The following GLG1 variants were observed in gnomAD, a reference collection of about 807,000 sequenced individuals.
The protein encoded by GLG1 is golgi glycoprotein 1, also known as Golgi apparatus protein 1.
In GLG1, 38 loss-of-function variants were observed where a neutral mutation model predicts 160.5. That is an observed-to-expected ratio of 0.24 (90% CI 0.18 to 0.31). The LOEUF is 0.31. GLG1 is among the 10% of genes least tolerant of loss of function. The pLI is 1.00. For missense variants in GLG1, 1,373 were observed against 1,505.2 expected (o/e 0.91, Z 1.45); for synonymous variants, 644 against 543.4 (o/e 1.19, Z -2.57).
chr16:74,605,398 G>C (rs1339852447), intron 1 of GLG1, among the ~76,000 whole-genome samples: 1 of 152,126 alleles, frequency 6.6e-6, no homozygotes, highest in Non-Finnish European at 1.5e-5. Flanking sequence ...CCAGTATTAG[G>C]ATCCTAGTTT....
chr16:74,509,017 T>C (rs1274420572), intron 2 of GLG1, 92 bp from the exon 3 acceptor site: 2 of 649,826 alleles, frequency 3.1e-6, no homozygotes, highest in Non-Finnish European at 5.6e-6. Flanking sequence ...AAGCCAATTA[T>C]ACAGAGTCAG....
At chr16:74,561,823 T>TA (rs1220167408) in intron 1 of GLG1, among the ~76,000 whole-genome samples, 1 of 152,172 alleles carries the variant, frequency 6.6e-6, no homozygotes, top group African/African-American at 2.4e-5. Flanking sequence ...CTTCCATTAT[T>TA]AAAAGCTCTG....
At chr16:74,463,318 T>C (rs1490082244) in intron 20 of GLG1, 38 bp downstream of exon 20, 1 of 1,607,430 alleles carries the variant, frequency 6.2e-7, no homozygotes, top group East Asian at 2.2e-5. Context: ...CCTTTTCAGA[T>C]ACTCCACGGG....
chr16:74,509,398 A>T (rs1881368058), intron 2 of GLG1, among the ~76,000 whole-genome samples: 1 of 152,044 alleles, frequency 6.6e-6, no homozygotes, highest in Admixed American at 6.6e-5. Context: ...TATATGAGCT[A>T]AATTCTGCTT....
intron 22 of GLG1, among the ~76,000 whole-genome samples, chr16:74,460,933 C>T (rs144548616): frequency 1.3e-5 from 2 of 152,200 alleles, no homozygotes; most frequent in Admixed American, 6.5e-5. Flanking sequence ...TGTGCACACG[C>T]GCGTACCCGC....
chr16:74,590,637 A>AAAG (rs1457617451), intron 1 of GLG1, among the ~76,000 whole-genome samples: 1 of 150,554 alleles, frequency 6.6e-6, no homozygotes, highest in East Asian at 2.0e-4. Flanking sequence ...AAAAAAAAAA[A>AAAG]AAAGAAATTA....
intron 1 of GLG1, among the ~76,000 whole-genome samples, chr16:74,562,451 A>T (rs1199104763): frequency 6.6e-6 from 1 of 152,144 alleles, no homozygotes; most frequent in African/African-American, 2.4e-5. Flanking sequence ...TCACCAGCTA[A>T]AGGAAGCTTT....
At chr16:74,500,025 A>G (rs1249160741) in intron 4 of GLG1, among the ~76,000 whole-genome samples, 1 of 152,208 alleles carries the variant, frequency 6.6e-6, no homozygotes, top group Non-Finnish European at 1.5e-5. Context: ...AAAATAAAAA[A>G]AAACAATACT....
chr16:74,491,890 G>C lies in GLG1; in HGVS notation c.1235-675C>G, dbSNP rs560431949. 9.9e-5 allele frequency among the ~76,000 whole-genome samples: 15 copies of C among 151,362 alleles called. No homozygotes were observed. The South Asian group carries it at 2.3e-3, about 23-fold the overall frequency. Reference sequence around the variant, plus strand: ...GATCTGCCTACCTCGGCCTCCCAAAGTGCTGGGATTACAAGCGTGAGCCAC... The same window carrying C: ...GATCTGCCTACCTCGGCCTCCCAAACTGCTGGGATTACAAGCGTGAGCCAC... On this transcript the variant is annotated intron_variant, in intron 7 of 25. Transcript: ENST00000422840.
intron 8 of GLG1, among the ~76,000 whole-genome samples, chr16:74,489,392 A>G (rs903232888): frequency 6.6e-6 from 1 of 151,684 alleles, no homozygotes; most frequent in Non-Finnish European, 1.5e-5. Flanking sequence ...AATCATTTGA[A>G]CCCGGGAGGT....
chr16:74,593,889 G>A (rs1958242349), intron 1 of GLG1, among the ~76,000 whole-genome samples: 1 of 151,948 alleles, frequency 6.6e-6, no homozygotes, highest in African/African-American at 2.4e-5. Context: ...TTTTAAATAA[G>A]TATAACATTT....
At chr16:74,533,221 A>T (rs2017594538) in intron 1 of GLG1, among the ~76,000 whole-genome samples, 2 of 151,760 alleles carry the variant, frequency 1.3e-5, no homozygotes, top group South Asian at 4.2e-4. Context: ...CTCTGGAGGC[A>T]GAGGCAGGAG....
intron 8 of GLG1, among the ~76,000 whole-genome samples, chr16:74,487,684 A>G (rs985187632): frequency 1.3e-5 from 2 of 152,182 alleles, no homozygotes; most frequent in African/African-American, 2.4e-5. Context: ...GTTGGAAGCA[A>G]CATGGGAGTC....
intron 21 of GLG1, 78 bp downstream of exon 21, chr16:74,462,410 T>C (rs74414517): frequency 3.7e-6 from 5 of 1,362,932 alleles, no homozygotes; most frequent in South Asian, 1.2e-5. Flanking sequence ...GGGAGCAAGC[T>C]AGGGATTTCA....
intron 1 of GLG1, among the ~76,000 whole-genome samples, chr16:74,582,769 G>A (rs945442177): frequency 3.9e-5 from 6 of 151,954 alleles, no homozygotes; most frequent in South Asian, 4.2e-4. Context: ...ACAGTGAGCC[G>A]AGATCGCGCC....
At chr16:74,525,839 A>G (rs1479360929) in intron 2 of GLG1, among the ~76,000 whole-genome samples, 1 of 151,558 alleles carries the variant, frequency 6.6e-6, no homozygotes, top group Admixed American at 6.6e-5. Context: ...TCTGATGCAC[A>G]AAAGTTTTTA....
At chr16:74,606,607 C>T (rs1379616570) in intron 1 of GLG1, 50 bp downstream of exon 1, 3 of 1,478,670 alleles carry the variant, frequency 2.0e-6, no homozygotes, top group Non-Finnish European at 2.7e-6. Context: ...CGGCAACACC[C>T]TCGGGCCCGC....
At chr16:74,507,862 T>C (rs1320726925) in intron 3 of GLG1, among the ~76,000 whole-genome samples, 1 of 152,210 alleles carries the variant, frequency 6.6e-6, no homozygotes, top group Non-Finnish European at 1.5e-5. Context: ...ATCTTTGCCC[T>C]TGATATTTTA....
chr16:74,533,813 T>C (rs1325291664), intron 1 of GLG1, among the ~76,000 whole-genome samples: 2 of 152,152 alleles, frequency 1.3e-5, no homozygotes, highest in African/African-American at 4.8e-5. Context: ...TGAGTTTCCA[T>C]AGTATTCGAA....
Sources: allele counts gnomAD v4.1 joint callset (sites outside exome capture counted in the v4.1 genomes callset), GRCh38; gene constraint gnomAD v4.1.1; transcripts MANE v1.5; gene names NCBI Gene and HGNC (gene_info 2026-07-23, HGNC 2026-07-21).